IRAK1BP1: variants seen among roughly 807,000 people sequenced by gnomAD.
IRAK1BP1 encodes interleukin 1 receptor associated kinase 1 binding protein 1, also known as interleukin-1 receptor-associated kinase 1-binding protein 1.
A neutral mutation model predicts 28.0 loss-of-function variants in IRAK1BP1; 24 were observed. The observed-to-expected ratio is 0.86, with a 90% CI of 0.62 to 1.20. The LOEUF is 1.20. IRAK1BP1 is among the 50% of genes most tolerant of loss of function. The probability of loss-of-function intolerance (pLI) is 0.00; values close to 1 mark genes in which losing one functional copy is unlikely to be tolerated. For missense variants in IRAK1BP1, 336 were observed against 316.7 expected (o/e 1.06, Z -0.46); for synonymous variants, 131 against 116.3 (o/e 1.13, Z -0.81).
chr6:78,936,084 G>C (rs1251270103), intron 4 of IRAK1BP1: 1 of 151,834 alleles, frequency 6.6e-6, no homozygotes, highest in Non-Finnish European at 1.5e-5. Context: ...TGAAACTGCT[G>C]TTTATAATAT....
the IRAK1BP1 span, chr6:78,958,622 A>G: frequency 1.4e-6 from 2 of 1,432,852 alleles, no homozygotes; most frequent in South Asian, 1.2e-5. Flanking sequence ...AAAATATAGA[A>G]GTTTTAACTT....
chr6:78,896,244 A>G (rs1488787566), intron 2 of IRAK1BP1, among the ~76,000 whole-genome samples: 1 of 152,058 alleles, frequency 6.6e-6, no homozygotes, highest in Non-Finnish European at 1.5e-5. Flanking sequence ...ATTACAAAAT[A>G]CATTTGGAAA....
At chr6:78,908,885 C>T (rs1772332683) in intron 4 of IRAK1BP1, among the ~76,000 whole-genome samples, 1 of 152,070 alleles carries the variant, frequency 6.6e-6, no homozygotes, top group African/African-American at 2.4e-5. Flanking sequence ...ATGTGCAGTC[C>T]TAGAGCTGAA....
chr6:78,963,295 T>TTAG, the IRAK1BP1 span: 2 of 1,506,650 alleles, frequency 1.3e-6, no homozygotes, highest in South Asian at 2.5e-5. Flanking sequence ...TGGTAACTTA[T>TTAG]TAGTATTCAG....
At chr6:78,893,749 C>T (rs1177492124) in intron 2 of IRAK1BP1, among the ~76,000 whole-genome samples, 2 of 151,862 alleles carry the variant, frequency 1.3e-5, no homozygotes, top group East Asian at 1.9e-4. Context: ...CTAAAAAATG[C>T]AGAAATCAGC....
intron 4 of IRAK1BP1, among the ~76,000 whole-genome samples, chr6:78,924,457 G>A (rs921052419): frequency 6.6e-5 from 10 of 152,172 alleles, no homozygotes; most frequent in Non-Finnish European, 1.2e-4. Flanking sequence ...CCCAGGACCA[G>A]ATGGATTCAC....
At chr6:78,930,351 T>G (rs1773010203) in intron 4 of IRAK1BP1, among the ~76,000 whole-genome samples, 1 of 152,194 alleles carries the variant, frequency 6.6e-6, no homozygotes, top group African/African-American at 2.4e-5. Context: ...ATGAATAATT[T>G]TAAGTATATA....
At chr6:78,903,176 A>G (rs2127657940), downstream of IRAK1BP1, 1 of 871,158 alleles carries the variant, frequency 1.1e-6, no homozygotes, top group Non-Finnish European at 1.7e-6. Context: ...ATTCTTTGCT[A>G]CATAGGGTTT....
At position 78,876,102 on chromosome 6, in the gene IRAK1BP1, G is replaced by A. The variant is rs549435219; in HGVS notation, c.315+8211G>A. Among the ~76,000 whole-genome samples the A allele has an allele frequency of 2.6e-5, 4 of 152,210 alleles. No homozygotes were observed. In the East Asian group the frequency reaches 7.7e-4, roughly 29 times the overall value. On this transcript the variant is annotated intron_variant, in intron 1 of 3. Coordinates refer to ENST00000369940, the MANE Select transcript of IRAK1BP1 (RefSeq NM_001010844.4). The stretch of plus-strand genomic sequence containing the variant: ...GAATTGTAATCCCTATGTGTCAAGG[G>A]GGGGATCTGATGGGAGGTAATTGAA...
At chr6:78,911,189 C>T (rs1448208416) in intron 4 of IRAK1BP1, among the ~76,000 whole-genome samples, 2 of 152,092 alleles carry the variant, frequency 1.3e-5, no homozygotes, top group Non-Finnish European at 2.9e-5. Context: ...GGCCACCTCC[C>T]CCGCAAATTA....
At chr6:78,895,887 A>G (rs1442119605) in intron 2 of IRAK1BP1, among the ~76,000 whole-genome samples, 1 of 152,218 alleles carries the variant, frequency 6.6e-6, no homozygotes, top group Non-Finnish European at 1.5e-5. Context: ...AGAATAAAAG[A>G]CATCCAGAGT....
chr6:78,972,813 A>T, the IRAK1BP1 span, among the ~76,000 whole-genome samples: 1 of 152,208 alleles, frequency 6.6e-6, no homozygotes, highest in Non-Finnish European at 1.5e-5. Context: ...TGAAGCGAGA[A>T]GGGAAGTTTA....
chr6:78,925,073 A>G (rs1772849916), intron 4 of IRAK1BP1, among the ~76,000 whole-genome samples: 2 of 152,176 alleles, frequency 1.3e-5, no homozygotes, highest in African/African-American at 4.8e-5. Flanking sequence ...GGCAAGGAGA[A>G]AAAACCAAAC....
intron 4 of IRAK1BP1, chr6:78,940,899 C>T (rs766866427): frequency 6.2e-7 from 1 of 1,613,806 alleles, no homozygotes; most frequent in Non-Finnish European, 8.5e-7. Flanking sequence ...TCAAACTCTT[C>T]TTCCTCATCT....
the IRAK1BP1 span, chr6:78,955,049 T>C: frequency 6.3e-6 from 6 of 955,320 alleles, no homozygotes; most frequent in Non-Finnish European, 9.2e-6. Flanking sequence ...GATAATTGGG[T>C]AATATACAAT....
chr6:78,911,507 A>G (rs1772419652), intron 4 of IRAK1BP1, among the ~76,000 whole-genome samples: 1 of 152,200 alleles, frequency 6.6e-6, no homozygotes, highest in African/African-American at 2.4e-5. Context: ...AAAAACATCA[A>G]TAAAATGAAA....
intron 1 of IRAK1BP1, among the ~76,000 whole-genome samples, chr6:78,875,589 A>T (rs1285649847): frequency 1.3e-5 from 2 of 152,232 alleles, no homozygotes; most frequent in Non-Finnish European, 2.9e-5. Context: ...AGTAATATGG[A>T]TAAGGCTTGA....
chr6:78,890,085 C>G (rs542751158), intron 2 of IRAK1BP1, among the ~76,000 whole-genome samples: 4 of 152,208 alleles, frequency 2.6e-5, no homozygotes, highest in African/African-American at 9.6e-5. Flanking sequence ...GAATACTATG[C>G]AGCCATAAAA....
rs144945400 is a variant in IRAK1BP1 at position 78,883,903 on chromosome 6, C to T, written c.316-1475C>T. ...ACCCATTAGTCACTTGTAGCTGTCTCGGTTATCAGAGCAGAAAAAAATGTT... is the reference window on the plus strand; with the variant it reads ...ACCCATTAGTCACTTGTAGCTGTCTTGGTTATCAGAGCAGAAAAAAATGTT... On this transcript the variant is annotated intron_variant, in intron 1 of 3. Transcript: ENST00000369940. Among the ~76,000 whole-genome samples, 49 of 152,100 alleles carry T rather than the reference C, an allele frequency of 3.2e-4. 1 individual carries two copies. The highest frequency in any genetic ancestry group is 9.9e-4 in the African/African-American group (41 of 41,508).
Sources: gnomAD v4.1 joint callset for allele counts (sites outside exome capture counted in the v4.1 genomes callset) on GRCh38, gnomAD v4.1.1 for gene constraint, MANE v1.5 for transcripts, NCBI Gene and HGNC (gene_info 2026-07-23, HGNC 2026-07-21) for gene names.